NPAS3: variants seen among roughly 807,000 people sequenced by gnomAD.
NPAS3 encodes neuronal PAS domain protein 3.
A neutral mutation model predicts 73.1 loss-of-function variants in NPAS3; 14 were observed. That is an observed-to-expected ratio of 0.19 (90% confidence interval 0.13 to 0.30). NPAS3 has a LOEUF of 0.30. Ranked by LOEUF, NPAS3 falls within the 10% of genes least tolerant of loss-of-function variation. The probability of loss-of-function intolerance (pLI) is 1.00; values close to 1 mark genes in which losing one functional copy is unlikely to be tolerated. For synonymous variants in NPAS3, 620 were observed against 541.5 expected, an observed-to-expected ratio of 1.14 and a Z score of -2.01; for missense variants, 1,096 against 1,250.0, an observed-to-expected ratio of 0.88 and a Z score of 1.86.
chr14:33,716,546 T>G (rs898383580), intron 6 of NPAS3, among the ~76,000 whole-genome samples: 1 of 152,200 alleles, frequency 6.6e-6, no homozygotes, highest in Non-Finnish European at 1.5e-5. Context: ...TTCACATTGT[T>G]GTGCAACCAC....
intron 7 of NPAS3, among the ~76,000 whole-genome samples, chr14:33,761,172 G>T (rs537724305): frequency 1.3e-5 from 2 of 151,300 alleles, no homozygotes; most frequent in East Asian, 1.9e-4. Flanking sequence ...AGATTGATTT[G>T]CTTGGCCACT....
chr14:33,058,350 G>A (rs1471373815), intron 2 of NPAS3, among the ~76,000 whole-genome samples: 1 of 152,146 alleles, frequency 6.6e-6, no homozygotes, highest in African/African-American at 2.4e-5. Flanking sequence ...AGATCCTCTA[G>A]CTTTCAGTGT....
chr14:33,495,482 A>G (rs1566949689), intron 4 of NPAS3, among the ~76,000 whole-genome samples: 1 of 152,058 alleles, frequency 6.6e-6, no homozygotes. Flanking sequence ...GTAGATGTCT[A>G]CTAGATCCTC....
intron 4 of NPAS3, among the ~76,000 whole-genome samples, chr14:33,452,821 T>C (rs1189667660): frequency 7.0e-6 from 1 of 143,868 alleles, no homozygotes; most frequent in East Asian, 2.1e-4. Context: ...ATGTACAGCC[T>C]GATGATGTGT....
At chr14:33,329,275 G>C (rs1479479839) in intron 3 of NPAS3, among the ~76,000 whole-genome samples, 2 of 152,142 alleles carry the variant, frequency 1.3e-5, no homozygotes, top group Non-Finnish European at 1.5e-5. Context: ...TAGCTGGAGT[G>C]GGGTGGGAGG....
intron 1 of NPAS3, among the ~76,000 whole-genome samples, chr14:33,004,147 TTAGC>T (rs1362724536): frequency 6.6e-6 from 1 of 152,196 alleles, no homozygotes; most frequent in Non-Finnish European, 1.5e-5. Flanking sequence ...CACTCAAATA[TTAGC>T]TATGCAACAA....
chr14:33,182,134 T>G (rs887930578), intron 2 of NPAS3, among the ~76,000 whole-genome samples: 2 of 152,152 alleles, frequency 1.3e-5, no homozygotes, highest in African/African-American at 4.8e-5. Context: ...GATTGACGAG[T>G]GAAAAATCAA....
Position 33,348,011 on chromosome 14 carries a change from C to T in NPAS3, c.386-19175C>T, listed in dbSNP as rs555413260. ...AGGAGCCTGTCTTCCAGGAAGGTCC[C>T]TGTTTCTCAAGAGTTCTTTTCCTGC... is the stretch of plus-strand genomic sequence containing the variant. On this transcript the variant is annotated intron_variant, in intron 3 of 11. Transcript: ENST00000356141. Among the ~76,000 whole-genome samples the T allele has an allele frequency of 2.0e-5, 3 of 152,246 alleles. No homozygotes were observed. The South Asian group carries it at 6.2e-4, about 32-fold the overall frequency.
intron 2 of NPAS3, among the ~76,000 whole-genome samples, chr14:33,197,492 G>A (rs55748678): frequency 0.085 from 12,849 of 151,742 alleles, 737 homozygotes; most frequent in Non-Finnish European, 0.12. Context: ...AGAGGGAAGC[G>A]TATACTGCCA....
At chr14:33,276,991 A>G (rs1047936263) in intron 3 of NPAS3, among the ~76,000 whole-genome samples, 1 of 152,124 alleles carries the variant, frequency 6.6e-6, no homozygotes, top group African/African-American at 2.4e-5. Flanking sequence ...CCTCCACCAG[A>G]GCTTACATTC....
chr14:33,326,440 C>T (rs1185009771), intron 3 of NPAS3, among the ~76,000 whole-genome samples: 1 of 152,126 alleles, frequency 6.6e-6, no homozygotes, highest in Non-Finnish European at 1.5e-5. Context: ...TCAACTTCGG[C>T]AAGTTAGAAA....
intron 5 of NPAS3, among the ~76,000 whole-genome samples, chr14:33,636,361 G>A (rs190585260): frequency 3.3e-5 from 5 of 152,336 alleles, no homozygotes; most frequent in Admixed American, 3.3e-4. Flanking sequence ...GCTAGCATCT[G>A]CATTATTTGC....
At chr14:32,961,426 GAAA>G in intron 1 of NPAS3, among the ~76,000 whole-genome samples, 1 of 142,894 alleles carries the variant, frequency 7.0e-6, no homozygotes, top group African/African-American at 2.6e-5. Flanking sequence ...AAAAAAAAAA[GAAA>G]AAAAAAATTG....
chr14:33,032,731 C>G (rs531215783), intron 1 of NPAS3, among the ~76,000 whole-genome samples: 1 of 152,380 alleles, frequency 6.6e-6, no homozygotes, highest in Admixed American at 6.5e-5. Flanking sequence ...CATATTCTTA[C>G]AGGCTGCCTT....
downstream of NPAS3, chr14:33,802,249 G>A (rs563369206): frequency 6.6e-6 from 1 of 151,564 alleles, no homozygotes; most frequent in Non-Finnish European, 1.5e-5. Flanking sequence ...TGGGGGGACT[G>A]GTTTGATTTG....
intron 2 of NPAS3, among the ~76,000 whole-genome samples, chr14:33,090,924 A>G (rs2042203652): frequency 6.6e-6 from 1 of 152,246 alleles, no homozygotes; most frequent in Non-Finnish European, 1.5e-5. Flanking sequence ...TGAAGGCAGA[A>G]ATAAAGATGT....
rs150675463 is a variant in NPAS3 at position 33,226,417 on chromosome 14, T to C, written c.385+10991T>C. Among the ~76,000 whole-genome samples, 213 of 152,314 alleles carry C rather than the reference T, an allele frequency of 1.4e-3. 4 individuals are homozygous for C. Among genetic ancestry groups the C allele is most frequent in the African/African-American group, 4.8e-3 (198 of 41,578 alleles). The stretch of plus-strand genomic sequence containing the variant: ...GACTGTAACCATCATTAAAAATCAT[T>C]AGAAATAAGATGTTTGAGATCTGTG... On this transcript the variant is annotated intron_variant, in intron 3 of 11. Transcript: ENST00000356141.
chr14:33,277,445 C>CT (rs1302556507), intron 3 of NPAS3, among the ~76,000 whole-genome samples: 13 of 152,178 alleles, frequency 8.5e-5, no homozygotes, highest in Non-Finnish European at 1.9e-4. Context: ...CAAAACTCTG[C>CT]TTTCATGGAA....
intron 4 of NPAS3, among the ~76,000 whole-genome samples, chr14:33,450,818 T>A (rs2049758122): frequency 2.6e-5 from 4 of 152,236 alleles, no homozygotes. Context: ...TAGATGTTAT[T>A]GGTAATTATT....
Sources: gnomAD v4.1 joint callset for allele counts (sites outside exome capture counted in the v4.1 genomes callset) on GRCh38, gnomAD v4.1.1 for gene constraint, MANE v1.5 for transcripts, NCBI Gene and HGNC (gene_info 2026-07-23, HGNC 2026-07-21) for gene names.